Variants in DIS3L2 observed in about 807,000 individuals in gnomAD.
The protein encoded by DIS3L2 is DIS3-like exonuclease 2.
A neutral mutation model predicts 97.5 loss-of-function variants in DIS3L2; 34 were observed. The ratio of observed to expected loss-of-function variants is 0.35; its 90% CI spans 0.27 to 0.46. The LOEUF is 0.46. DIS3L2 is among the 20% of genes least tolerant of loss of function. The pLI is 1.00. For missense variants in DIS3L2, 1,038 were observed against 1,146.0 expected, an observed-to-expected ratio of 0.91 and a Z score of 1.36; for synonymous variants, 435 against 445.2, an observed-to-expected ratio of 0.98 and a Z score of 0.29.
chr2:232,336,789 C>A lies in DIS3L2; in HGVS notation c.*159C>A. On this transcript the variant is annotated 3_prime_UTR_variant, in exon 21 of 21. Transcript: ENST00000325385. Reference sequence around the variant, plus strand: ...TTTTGCAGCTCAACTTTTAAACAAACTGCAGGGGAGAGGGTGGGGCTGGAA... The same window carrying A: ...TTTTGCAGCTCAACTTTTAAACAAAATGCAGGGGAGAGGGTGGGGCTGGAA... The A allele has an allele frequency of 6.9e-7, 1 of 1,452,520 alleles. No individual in the cohort carries two copies. The highest frequency in any genetic ancestry group is 9.0e-7 in the Non-Finnish European group (1 of 1,111,074). The allele number at this position is 1,452,520 out of a possible 1,614,324, so 90.0% of individuals were successfully genotyped here.
At chr2:232,246,754 T>A (rs1431963326) in intron 11 of DIS3L2, among the ~76,000 whole-genome samples, 1 of 152,234 alleles carries the variant, frequency 6.6e-6, no homozygotes, top group Non-Finnish European at 1.5e-5. Context: ...AGGCCCTTTT[T>A]GCAAATAATA....
intron 8 of DIS3L2, among the ~76,000 whole-genome samples, chr2:232,153,865 C>T (rs1247855311): frequency 6.6e-6 from 1 of 152,138 alleles, no homozygotes; most frequent in Non-Finnish European, 1.5e-5. Context: ...TTGGTCTTTT[C>T]ACATAGTCCC....
chr2:231,989,843 AAAC>A (rs930406877), intron 1 of DIS3L2, among the ~76,000 whole-genome samples: 1 of 152,130 alleles, frequency 6.6e-6, no homozygotes, highest in Non-Finnish European at 1.5e-5. Context: ...ATCTTGTCTC[AAAC>A]AACAACAACA....
At chr2:232,249,947 G>A (rs1693373388) in intron 12 of DIS3L2, among the ~76,000 whole-genome samples, 1 of 152,206 alleles carries the variant, frequency 6.6e-6, no homozygotes. Flanking sequence ...AAGAACAGAG[G>A]AGAGAAGGAT....
intron 1 of DIS3L2, among the ~76,000 whole-genome samples, chr2:231,970,594 T>C (rs901306324): frequency 1.3e-5 from 2 of 152,180 alleles, no homozygotes; most frequent in African/African-American, 4.8e-5. Flanking sequence ...TACACCTGTA[T>C]AGGGCATTGA....
rs904914184 is a variant in DIS3L2, at chr2:232,154,804, C to G, written c.951-8655C>G. Among the ~76,000 whole-genome samples the G allele has an allele frequency of 9.9e-4, 134 of 135,018 alleles. 2 individuals are homozygous for G. The East Asian group carries it at 0.023, about 23-fold the overall frequency. The allele number at this position is 135,018 out of a possible 152,430, so 88.6% of individuals were successfully genotyped here. On this transcript the variant is annotated intron_variant, in intron 8 of 20. Coordinates refer to ENST00000325385, the MANE Select transcript of DIS3L2 (RefSeq NM_152383.5). ...ATGGCGGGCGCCCCTCCCCCAGCCT[C>G]GTTGCCGCCTTGCAGTTTGATCTCA...
chr2:232,127,411 G>A (rs1698093364), intron 6 of DIS3L2, among the ~76,000 whole-genome samples: 1 of 152,106 alleles, frequency 6.6e-6, no homozygotes, highest in African/African-American at 2.4e-5. Context: ...TAATCCTTAA[G>A]CTCTCATATG....
chr2:232,023,270 C>T (rs573381444), intron 3 of DIS3L2: 3 of 152,230 alleles, frequency 2.0e-5, no homozygotes, highest in South Asian at 2.1e-4. Flanking sequence ...ACTGAATGAT[C>T]ATTTGTAGTA....
At chr2:232,189,256 C>CA (rs1032423554) in intron 9 of DIS3L2, among the ~76,000 whole-genome samples, 2 of 152,102 alleles carry the variant, frequency 1.3e-5, no homozygotes, top group African/African-American at 4.8e-5. Context: ...CCTACATTCT[C>CA]AAAAAAACCT....
intron 1 of DIS3L2, among the ~76,000 whole-genome samples, chr2:231,979,563 G>A (rs1693192079): frequency 6.6e-6 from 1 of 151,776 alleles, no homozygotes; most frequent in Admixed American, 6.6e-5. Context: ...TTTATTTAGG[G>A]ACGGAGTCAG....
chr2:232,021,063 A>G (rs1031610820), intron 3 of DIS3L2, among the ~76,000 whole-genome samples: 1 of 152,126 alleles, frequency 6.6e-6, no homozygotes, highest in Admixed American at 6.6e-5. Flanking sequence ...CAAATACAGT[A>G]TGTTTGTGAT....
chr2:232,192,705 G>C (rs1691648479), intron 9 of DIS3L2, among the ~76,000 whole-genome samples: 1 of 152,202 alleles, frequency 6.6e-6, no homozygotes, highest in African/African-American at 2.4e-5. Context: ...CGTAGCTTTC[G>C]ATAATGATAA....
intron 8 of DIS3L2, among the ~76,000 whole-genome samples, chr2:232,141,057 G>A (rs996047136): frequency 1.3e-5 from 2 of 152,184 alleles, no homozygotes; most frequent in Middle Eastern, 3.4e-3. Context: ...TGGTTTCTTC[G>A]CTGGAATGAT....
intron 11 of DIS3L2, among the ~76,000 whole-genome samples, chr2:232,242,634 T>C (rs1693131575): frequency 6.6e-6 from 1 of 152,238 alleles, no homozygotes; most frequent in Non-Finnish European, 1.5e-5. Context: ...CTGAGGCTAA[T>C]ATAAGGTTTT....
intron 6 of DIS3L2, among the ~76,000 whole-genome samples, chr2:232,099,515 G>C (rs1287966925): frequency 1.2e-4 from 18 of 152,098 alleles, no homozygotes; most frequent in Non-Finnish European, 1.8e-4. Flanking sequence ...GCCTGGCCAA[G>C]TGTAGTATTT....
intron 13 of DIS3L2, among the ~76,000 whole-genome samples, chr2:232,279,539 TTTG>T (rs1553543553): frequency 2.0e-5 from 3 of 149,878 alleles, no homozygotes; most frequent in Non-Finnish European, 4.4e-5. Flanking sequence ...TGTTTGTTTG[TTTG>T]TTTTTTGAGA....
In DIS3L2 at chr2:232,333,854, C is replaced by G. The variant is rs766258976; in HGVS notation, c.2025C>G (p.Phe675Leu). Residue 675 changes from phenylalanine to leucine, a missense_variant, in exon 17 of 21, where the codon TTC (phenylalanine) becomes TTG (leucine). This residue lies in a region of DIS3L2 where 813 missense variants were observed against 880.1 expected (regional missense o/e 0.92). Transcript: ENST00000325385. ...CCGTCCCGCAGATGGCACTGTACTT[C>G]TGCTCGGGGCTGCTGCAGGACCCAG... is the stretch of plus-strand genomic sequence containing the variant. Reference protein sequence around the residue: ...CSRPMQMALYFCSGLLQDPAQ... With the variant: ...CSRPMQMALYLCSGLLQDPAQ... 6.2e-7 allele frequency: 1 copy of G among 1,611,788 alleles called. No individual in the cohort carries two copies. The highest frequency in any genetic ancestry group is 2.2e-5 in the East Asian group (1 of 44,864).
In DIS3L2 at chr2:232,202,647, C is replaced by T. The variant is rs1020386766; in HGVS notation, c.1125-7679C>T. Among the ~76,000 whole-genome samples, 7 of 152,200 alleles carry T rather than the reference C, an allele frequency of 4.6e-5. No individual in the cohort carries two copies. The East Asian group carries it at 9.6e-4, about 21-fold the overall frequency. ...ACCTGCTCCAGTGAAAAGGGCCTGC[C>T]CACAGTGCTGCATCATTTCTTTCTA... On this transcript the variant is annotated intron_variant, in intron 9 of 20. Transcript: ENST00000325385.
intron 6 of DIS3L2, among the ~76,000 whole-genome samples, chr2:232,099,885 A>G (rs1697143333): frequency 6.6e-6 from 1 of 152,146 alleles, no homozygotes; most frequent in Admixed American, 6.5e-5. Flanking sequence ...TATCATTTCA[A>G]AAATCTCCTT....
Sources: allele counts gnomAD v4.1 joint callset (sites outside exome capture counted in the v4.1 genomes callset), GRCh38; gene constraint gnomAD v4.1.1; regional missense constraint gnomAD v4.1.1; transcripts MANE v1.5; gene names NCBI Gene and HGNC (gene_info 2026-07-23, HGNC 2026-07-21).